The following ASB9 variants were observed in gnomAD, a reference collection of about 807,000 sequenced individuals.
ASB9 encodes ankyrin repeat and SOCS box containing 9.
In ASB9, 5 loss-of-function variants were observed where a neutral mutation model predicts 16.6. That is an observed-to-expected ratio of 0.30 (90% CI 0.16 to 0.63). The LOEUF (loss-of-function observed/expected upper bound fraction) is 0.63. Ranked by LOEUF, ASB9 falls within the 30% of genes least tolerant of loss-of-function variation. The pLI is 0.82. For synonymous variants in ASB9, 100 were observed against 86.4 expected (o/e 1.16, Z -0.87); for missense variants, 216 against 229.4 (o/e 0.94, Z 0.38).
chrX:15,246,525 G>C (rs1924680787), intron 6 of ASB9, among the ~76,000 whole-genome samples: 1 of 111,518 alleles, frequency 9.0e-6, no homozygotes, highest in African/African-American at 3.3e-5. Context: ...GCCCAGGCTG[G>C]AGTGCAGTGG....
In ASB9 at chrX:15,269,949, C is replaced by T. The variant is rs965014133; in HGVS notation, c.-75G>A. ...GCAAAGTCCAAACTCCATGCTCCCCCTGCTCCTGAAAAATTCCAGTTCTGT... is the reference window on the plus strand; with the variant it reads ...GCAAAGTCCAAACTCCATGCTCCCCTTGCTCCTGAAAAATTCCAGTTCTGT... On this transcript the variant is annotated 5_prime_UTR_variant, in exon 1 of 7. Coordinates refer to ENST00000380488, the MANE Select transcript of ASB9 (RefSeq NM_001031739.3). The T allele has an allele frequency of 1.2e-6, 1 of 848,288 alleles. No homozygotes were observed. The highest frequency in any genetic ancestry group is 3.0e-5 in the Admixed American group (1 of 32,890). 69.9% of individuals were successfully genotyped at this position (848,288 alleles called of 1,213,427 possible). A position where few individuals can be genotyped will look rare whatever the true frequency, so the allele number is the denominator to read the frequency against.
intron 1 of ASB9, among the ~76,000 whole-genome samples, chrX:15,259,445 A>G (rs1000832014): frequency 8.9e-6 from 1 of 112,846 alleles, no homozygotes; most frequent in Non-Finnish European, 1.9e-5. Context: ...ATATCTATTT[A>G]TAGATTATCT....
rs748068880 is a variant in ASB9 at position 15,268,102 on chromosome X, C to T, written c.94+1679G>A. 8.1e-5 allele frequency among the ~76,000 whole-genome samples: 9 copies of T among 110,806 alleles called. No individual in the cohort carries two copies. The East Asian group carries it at 2.6e-3, about 32-fold the overall frequency. Reference sequence around the variant, plus strand: ...ATCCCAGCACTTTGGGAGGCCCAGGCGGGCAGATCACCTGAGGTCAGGAGT... The same window carrying T: ...ATCCCAGCACTTTGGGAGGCCCAGGTGGGCAGATCACCTGAGGTCAGGAGT... On this transcript the variant is annotated intron_variant, in intron 1 of 6. Coordinates refer to ENST00000380488, the MANE Select transcript of ASB9 (RefSeq NM_001031739.3).
intron 1 of ASB9, among the ~76,000 whole-genome samples, chrX:15,264,429 GA>G (rs1926225208): frequency 9.0e-6 from 1 of 111,479 alleles, no homozygotes; most frequent in Non-Finnish European, 1.9e-5. Context: ...CTACTTTCAG[GA>G]AAAAATTAAG....
chrX:15,252,194 T>C (rs1258009856), intron 4 of ASB9, 60 bp downstream of exon 4: 7 of 1,086,065 alleles, frequency 6.4e-6, no homozygotes, highest in Non-Finnish European at 8.6e-6. Context: ...CTTTCTTTCT[T>C]TCAGCAGTAA....
chrX:15,244,721 T>C, intron 6 of ASB9, 91 bp from the exon 7 acceptor site: 1 of 957,785 alleles, frequency 1.0e-6, no homozygotes, highest in South Asian at 2.7e-5. Context: ...AGATAGAACA[T>C]TGTTATAAGG....
intron 6 of ASB9, among the ~76,000 whole-genome samples, chrX:15,247,312 G>A (rs1382484049): frequency 8.9e-6 from 1 of 111,814 alleles, no homozygotes; most frequent in East Asian, 2.8e-4. Context: ...GGGACCATAG[G>A]CCACACTGTC....
chrX:15,270,097 C>G, upstream of ASB9: 1 of 302,251 alleles, frequency 3.3e-6, no homozygotes, highest in East Asian at 5.2e-5. Context: ...CACACACACA[C>G]ACACACACAC....
Position 15,248,793 on chromosome X carries a change from C to A in ASB9, c.711G>T (p.Glu237Asp). 2 of 1,211,633 alleles carry A rather than the reference C, an allele frequency of 1.7e-6. No individual in the cohort carries two copies. Among genetic ancestry groups the A allele is most frequent in the East Asian group, 3.0e-5 (1 of 33,843 alleles). Residue 237 changes from glutamate (E) to aspartate (D), a missense_variant, in exon 6 of 7, where the codon GAG becomes GAT. Physicochemically the swap from Glu to Asp is conservative, Grantham distance 45. Coordinates refer to ENST00000380488, the MANE Select transcript of ASB9 (RefSeq NM_001031739.3). ...AKNAEGKRPV[E>D]LVPPESPLAQ... ...CCAAGGGGCTCTCTGGAGGCACCAG[C>A]TCCACAGGACGTTTGCCTTCAGCAT...
At chrX:15,252,519 A>G in intron 3 of ASB9, 115 bp from the exon 4 acceptor site, 1 of 756,226 alleles carries the variant, frequency 1.3e-6, no homozygotes, top group Admixed American at 4.0e-5. Context: ...TTCCTCAGCT[A>G]TAAAATGGAG....
At chrX:15,265,205 G>A (rs941751497) in intron 1 of ASB9, among the ~76,000 whole-genome samples, 2 of 111,269 alleles carry the variant, frequency 1.8e-5, no homozygotes, top group South Asian at 3.8e-4. Flanking sequence ...ACCTGTGATC[G>A]TTCCTAAGTC....
intron 2 of ASB9, among the ~76,000 whole-genome samples, chrX:15,256,471 T>C (rs974764120): frequency 4.7e-5 from 5 of 105,718 alleles, no homozygotes; most frequent in Non-Finnish European, 7.7e-5. Flanking sequence ...TCTGGTCCTT[T>C]ACTGAAAAAA....
chrX:15,262,500 T>C (rs1447131908), intron 1 of ASB9, among the ~76,000 whole-genome samples: 4 of 112,235 alleles, frequency 3.6e-5, no homozygotes, highest in African/African-American at 1.3e-4. Flanking sequence ...AAAACGTGAG[T>C]CCCTGTAAAA....
At chrX:15,250,589 A>G in intron 4 of ASB9, 25 bp from the exon 5 acceptor site, 1 of 1,186,474 alleles carries the variant, frequency 8.4e-7, no homozygotes, top group Non-Finnish European at 1.1e-6. Context: ...AGGAAGAAAA[A>G]CAGTTACAAT....
intron 1 of ASB9, among the ~76,000 whole-genome samples, chrX:15,261,805 A>G (rs1250755572): frequency 8.9e-6 from 1 of 112,480 alleles, no homozygotes; most frequent in Non-Finnish European, 1.9e-5. Flanking sequence ...TAATTCACAT[A>G]CCATACAATA....
chrX:15,251,142 C>G (rs1002273148), intron 4 of ASB9, among the ~76,000 whole-genome samples: 15 of 112,388 alleles, frequency 1.3e-4, no homozygotes, highest in African/African-American at 4.9e-4. Flanking sequence ...AACTATCCAC[C>G]TTTTTCAATT....
intron 4 of ASB9, 106 bp from the exon 5 acceptor site, chrX:15,250,670 G>C: frequency 2.9e-6 from 2 of 696,032 alleles, no homozygotes; most frequent in African/African-American, 4.3e-5. Flanking sequence ...CTTATCCAGG[G>C]GACCAAAAAG....
chrX:15,256,780 AAAAAAAAAAAAAAAG>A (rs1181661950), intron 2 of ASB9, among the ~76,000 whole-genome samples: 1 of 106,202 alleles, frequency 9.4e-6, no homozygotes, highest in African/African-American at 3.4e-5. Flanking sequence ...CGTCTCAAAA[AAAAAAAAAAAAAAAG>A]AAAGAAAAAA....
chrX:15,253,909 G>A (rs1409416781), intron 3 of ASB9, among the ~76,000 whole-genome samples: 2 of 111,587 alleles, frequency 1.8e-5, no homozygotes, highest in Non-Finnish European at 3.8e-5. Context: ...AGTTGCCCAG[G>A]GTAAAAAATT....
Sources: allele counts gnomAD v4.1 joint callset (sites outside exome capture counted in the v4.1 genomes callset), GRCh38; gene constraint gnomAD v4.1.1; transcripts MANE v1.5; gene names NCBI Gene and HGNC (gene_info 2026-07-23, HGNC 2026-07-21).